The following MFN1 variants were observed in gnomAD, a reference collection of about 807,000 sequenced individuals.
The protein encoded by MFN1 is mitofusin-1.
Under a neutral mutation model 92.4 loss-of-function variants are expected in MFN1, and 65 were observed. That is an observed-to-expected ratio of 0.70 (90% CI 0.58 to 0.86). The LOEUF is 0.86. Ranked by LOEUF, MFN1 falls within the 40% of genes least tolerant of loss-of-function variation. The probability of loss-of-function intolerance (pLI) is 0.00; values close to 1 mark genes in which losing one functional copy is unlikely to be tolerated. For missense variants in MFN1, 781 were observed against 868.0 expected, an observed-to-expected ratio of 0.90 and a Z score of 1.26; for synonymous variants, 297 against 300.9, an observed-to-expected ratio of 0.99 and a Z score of 0.13.
Position 179,356,901 on chromosome 3 carries a change from G to A in MFN1, c.249-1939G>A, listed in dbSNP as rs115063097. ...GTTGCAGCAGAGAAGAGGTTTAATC[G>A]TAGGGTCACCAAATGAGGAGATGGG... On this transcript the variant is annotated intron_variant, in intron 3 of 17. Transcript: ENST00000471841. Among the ~76,000 whole-genome samples the A allele has an allele frequency of 5.8e-4, 89 of 152,286 alleles. 1 individual carries two copies. The highest frequency in any genetic ancestry group is 2.0e-3 in the African/African-American group (82 of 41,564).
In MFN1 at chr3:179,378,461, A is replaced by G. The variant is rs1007527128; in HGVS notation, c.1432+18A>G. On this transcript the variant is annotated intron_variant, in intron 13 of 17. Transcript: ENST00000471841. ...AATTATTGGTAATATTTATGTCTAC[A>G]AGGTCATGTCTGGTTTGTTTTTTCA... 1.1e-5 allele frequency: 17 copies of G among 1,575,846 alleles called. No individual in the cohort carries two copies. Among genetic ancestry groups the G allele is most frequent in the Non-Finnish European group, 1.5e-5 (17 of 1,161,970 alleles).
rs1713270691 is a variant in MFN1, at chr3:179,377,138, CAAG to C, written c.1195_1197del (p.Lys399del). 14 of 1,613,472 alleles carry C rather than the reference CAAG, an allele frequency of 8.7e-6. No homozygotes were observed. Among genetic ancestry groups the C allele is most frequent in the African/African-American group, 1.3e-5 (1 of 74,880 alleles). ...TAACACTGGATGTTAAGAAAAAAAT[CAAG>C]GAGGTTACCGAGGAGGTGGCAAACA... On this transcript the variant is annotated inframe_deletion, in exon 11 of 18. Transcript: ENST00000471841.
intron 9 of MFN1, among the ~76,000 whole-genome samples, chr3:179,368,489 C>T (rs1712892933): frequency 6.6e-6 from 1 of 152,138 alleles, no homozygotes; most frequent in Non-Finnish European, 1.5e-5. Flanking sequence ...TTACTTTGTG[C>T]CGCATGACTA....
chr3:179,391,977 T>G lies in MFN1; in HGVS notation c.2148-4T>G. On this transcript the variant is annotated splice_region_variant and splice_polypyrimidine_tract_variant and intron_variant, in intron 17 of 17. Coordinates refer to ENST00000471841, the MANE Select transcript of MFN1 (RefSeq NM_033540.3). ...TTAGATTGGTGTTTTATTTTTTTAA[T>G]TAGAAATAAAGCTGTTCAACTTGAA... 6.3e-7 allele frequency: 1 copy of G among 1,575,582 alleles called. No homozygotes were observed. The highest frequency in any genetic ancestry group is 8.7e-7 in the Non-Finnish European group (1 of 1,147,950).
Position 179,367,617 on chromosome 3 carries a change from G to T in MFN1, c.907+25G>T, listed in dbSNP as rs746293164. 7.0e-6 allele frequency: 11 copies of T among 1,561,132 alleles called. No individual in the cohort carries two copies. In the East Asian group the frequency reaches 2.3e-4, roughly 33 times the overall value. On this transcript the variant is annotated intron_variant, in intron 8 of 17. Coordinates refer to ENST00000471841, the MANE Select transcript of MFN1 (RefSeq NM_033540.3). The stretch of plus-strand genomic sequence containing the variant: ...GGTATGCATTACCTATAGATTTCCT[G>T]TTTAAATATAAAAATATTTAAAATT...
At chr3:179,363,332 C>T (rs1408004662) in intron 5 of MFN1, among the ~76,000 whole-genome samples, 2 of 152,082 alleles carry the variant, frequency 1.3e-5, no homozygotes, top group Non-Finnish European at 2.9e-5. Context: ...GTAATCCCCC[C>T]ATCTCAGCCT....
At chr3:179,386,843 G>C (rs1713706039) in intron 16 of MFN1, among the ~76,000 whole-genome samples, 1 of 152,126 alleles carries the variant, frequency 6.6e-6, no homozygotes, top group Non-Finnish European at 1.5e-5. Context: ...TCTCCTGATA[G>C]ATTAGGTTTG....
rs746871851 is a variant in MFN1 at position 179,375,217 on chromosome 3, C to T, written c.976-3C>T. 3.2e-5 allele frequency: 52 copies of T among 1,609,954 alleles called. No individual in the cohort carries two copies. The highest frequency in any genetic ancestry group is 4.2e-5 in the Non-Finnish European group (49 of 1,178,574). Reference sequence around the variant, plus strand: ...AATGTGTTACGGCTTGGGCCCCTCGCAGGAGTGTATCTCGCAGTCAGCAGT... The same window carrying T: ...AATGTGTTACGGCTTGGGCCCCTCGTAGGAGTGTATCTCGCAGTCAGCAGT... On this transcript the variant is annotated splice_region_variant and splice_polypyrimidine_tract_variant and intron_variant, in intron 9 of 17. Transcript: ENST00000471841.
intron 14 of MFN1, among the ~76,000 whole-genome samples, chr3:179,384,578 T>C (rs938808317): frequency 6.6e-6 from 1 of 152,218 alleles, no homozygotes; most frequent in Non-Finnish European, 1.5e-5. Flanking sequence ...ATATGTTTCT[T>C]TATTTTTTGA....
At chr3:179,386,385 A>G (rs1560201415) in intron 15 of MFN1, 48 bp from the exon 16 acceptor site, 6 of 1,481,194 alleles carry the variant, frequency 4.1e-6, no homozygotes, top group Non-Finnish European at 5.6e-6. Flanking sequence ...TGTACTCTCC[A>G]AAGTGGTGTT....
intron 9 of MFN1, among the ~76,000 whole-genome samples, chr3:179,370,392 CTTTTTTTTT>C (rs34938438): frequency 3.4e-5 from 3 of 88,068 alleles, no homozygotes; most frequent in Non-Finnish European, 6.2e-5. Context: ...TCACTAAGTT[CTTTTTTTTT>C]TTTTTTTTTT....
chr3:179,362,107 CTT>C (rs1480178653), intron 4 of MFN1, among the ~76,000 whole-genome samples: 1 of 152,176 alleles, frequency 6.6e-6, no homozygotes, highest in African/African-American at 2.4e-5. Context: ...GACTCCAGAA[CTT>C]ATATACTTCA....
At chr3:179,358,211 C>T (rs569237166) in intron 3 of MFN1, among the ~76,000 whole-genome samples, 15 of 137,024 alleles carry the variant, frequency 1.1e-4, no homozygotes, top group South Asian at 6.9e-4. Flanking sequence ...AGTGCAGTGG[C>T]GCGATCTTGG....
intron 10 of MFN1, among the ~76,000 whole-genome samples, chr3:179,376,525 A>G (rs1713247191): frequency 6.6e-6 from 1 of 152,180 alleles, no homozygotes; most frequent in African/African-American, 2.4e-5. Context: ...AGAGTTGAAC[A>G]AACTTTTGTT....
chr3:179,376,617 A>C (rs756807046), intron 10 of MFN1, among the ~76,000 whole-genome samples: 8 of 152,160 alleles, frequency 5.3e-5, no homozygotes, highest in Non-Finnish European at 1.2e-4. Context: ...ACAGTTTTAG[A>C]GCAAAAGCAG....
chr3:179,367,971 G>A, intron 8 of MFN1, 65 bp from the exon 9 acceptor site: 1 of 947,322 alleles, frequency 1.1e-6, no homozygotes. Flanking sequence ...TATAAAATCA[G>A]TAGCCTACCA....
intron 4 of MFN1, among the ~76,000 whole-genome samples, chr3:179,360,820 T>G (rs1018343873): frequency 5.9e-5 from 9 of 152,164 alleles, no homozygotes; most frequent in African/African-American, 1.9e-4. Context: ...CCCTTCAGAT[T>G]AGTTATTAGA....
At chr3:179,364,737 A>G (rs957632300) in intron 6 of MFN1, among the ~76,000 whole-genome samples, 2 of 152,158 alleles carry the variant, frequency 1.3e-5, no homozygotes, top group Admixed American at 6.6e-5. Flanking sequence ...TCTGCCATCT[A>G]TCAGGCAAGG....
In MFN1 at chr3:179,348,958, T is replaced by C; in HGVS notation, c.107T>C (p.Val36Ala). Reference sequence around the variant, plus strand: ...TTTGTTACTGAAGGATCACATTTTGTTGAAGGTTAGTTCTTCTTAAGTTTT... The same window carrying C: ...TTTGTTACTGAAGGATCACATTTTGCTGAAGGTTAGTTCTTCTTAAGTTTT... ...LEFVTEGSHF[V>A]EATYKNPELD... is the part of the protein sequence containing the mutation. The change falls in exon 2 of 18, where the codon GTT becomes GCT. Residue 36 changes from valine to alanine, a missense_variant. Coordinates refer to ENST00000471841, the MANE Select transcript of MFN1 (RefSeq NM_033540.3). 6.3e-7 allele frequency: 1 copy of C among 1,585,486 alleles called. No homozygotes were observed.
Sources: gnomAD v4.1 joint callset for allele counts (sites outside exome capture counted in the v4.1 genomes callset) on GRCh38, gnomAD v4.1.1 for gene constraint, MANE v1.5 for transcripts, NCBI Gene and HGNC (gene_info 2026-07-23, HGNC 2026-07-21) for gene names.